Variants in CCM2 observed in about 807,000 individuals in gnomAD.
CCM2 encodes the protein CCM2 scaffold protein, also known as cerebral cavernous malformations 2 protein.
In CCM2, 25 loss-of-function variants were observed where a neutral mutation model predicts 44.9. The observed-to-expected ratio is 0.56, with a 90% CI of 0.41 to 0.78. The LOEUF is 0.78. Among genes scored for constraint, CCM2 ranks in the 30% least tolerant of loss-of-function variants. The pLI is 0.00. For synonymous variants in CCM2, 219 were observed against 241.1 expected, an observed-to-expected ratio of 0.91 and a Z score of 0.85; for missense variants, 481 against 580.6, an observed-to-expected ratio of 0.83 and a Z score of 1.76.
chr7:45,010,597 A>G (rs1239999529), intron 1 of CCM2, among the ~76,000 whole-genome samples: 1 of 151,918 alleles, frequency 6.6e-6, no homozygotes, highest in Non-Finnish European at 1.5e-5. Context: ...GTTTGTGTAT[A>G]TATATATATA....
chr7:45,064,089 A>G lies in CCM2; in HGVS notation c.288+88A>G, dbSNP rs964226039. 9 of 901,848 alleles carry G rather than the reference A, an allele frequency of 1.0e-5. No homozygotes were observed. The African/African-American group carries it at 1.3e-4, about 13-fold the overall frequency. The allele number at this position is 901,848 out of a possible 1,614,324, so 55.9% of individuals were successfully genotyped here. On this transcript the variant is annotated intron_variant, in intron 3 of 9. Coordinates refer to ENST00000258781, the MANE Select transcript of CCM2 (RefSeq NM_031443.4). ...ACTCTTGGCCTCGTGGCTGTGAGGA[A>G]TGAGCCAGTCCCATCACATTATGGG...
chr7:45,018,186 C>T (rs193259666), intron 1 of CCM2, among the ~76,000 whole-genome samples: 21 of 152,192 alleles, frequency 1.4e-4, no homozygotes, highest in Middle Eastern at 6.8e-3. Flanking sequence ...TCACAGGAGG[C>T]GGGGCTCAGG....
intron 6 of CCM2, chr7:45,072,525 T>C (rs1037741354): frequency 1.2e-5 from 8 of 658,348 alleles, no homozygotes; most frequent in Non-Finnish European, 2.2e-5. Context: ...CCAGGAGGGG[T>C]GTATGTGGGC....
At chr7:45,063,077 CTT>C (rs72447972) in intron 2 of CCM2, 5 of 146,566 alleles carry the variant, frequency 3.4e-5, no homozygotes, top group Non-Finnish European at 4.5e-5. Flanking sequence ...TCTTTTCTTT[CTT>C]TTTTTTTTTT....
intron 1 of CCM2, among the ~76,000 whole-genome samples, chr7:45,008,242 G>T (rs1405411736): frequency 6.6e-6 from 1 of 151,770 alleles, no homozygotes; most frequent in African/African-American, 2.4e-5. Context: ...GTTTCCCCAT[G>T]TTGGCAAGAA....
intron 1 of CCM2, among the ~76,000 whole-genome samples, chr7:45,005,447 T>G (rs1017444866): frequency 5.3e-5 from 8 of 152,246 alleles, no homozygotes; most frequent in Admixed American, 3.9e-4. Context: ...AGTGAAGGGC[T>G]TCCCTGCAGA....
intron 1 of CCM2, chr7:45,027,583 C>T: frequency 6.3e-7 from 1 of 1,586,018 alleles, no homozygotes; most frequent in Non-Finnish European, 8.6e-7. Context: ...AAATTGTAAA[C>T]AGCTTCAGTG....
intron 6 of CCM2, chr7:45,071,158 G>A (rs1257736177): frequency 6.6e-6 from 1 of 152,308 alleles, no homozygotes; most frequent in Non-Finnish European, 1.5e-5. Context: ...TGGAGGCTTA[G>A]AAGTCAACAG....
chr7:45,000,447 T>G, intron 1 of CCM2, 84 bp downstream of exon 1: 25 of 44,814 alleles, frequency 5.6e-4, no homozygotes, highest in South Asian at 1.7e-3. Flanking sequence ...GGGTGTTCCT[T>G]GGGGCCCGGG....
intron 1 of CCM2, among the ~76,000 whole-genome samples, chr7:45,018,877 A>G (rs903151781): frequency 1.3e-5 from 2 of 151,164 alleles, no homozygotes; most frequent in African/African-American, 4.9e-5. Flanking sequence ...CTCCTGCATC[A>G]GCCTCCCAAG....
At chr7:45,063,407 T>C (rs1469810707) in intron 2 of CCM2, among the ~76,000 whole-genome samples, 1 of 152,220 alleles carries the variant, frequency 6.6e-6, no homozygotes, top group Non-Finnish European at 1.5e-5. Context: ...TTAACACTGT[T>C]GCATGTGGGG....
intron 1 of CCM2, among the ~76,000 whole-genome samples, chr7:45,004,502 A>G (rs1239085799): frequency 6.6e-6 from 1 of 152,168 alleles, no homozygotes; most frequent in Non-Finnish European, 1.5e-5. Flanking sequence ...TGCTGTAGTC[A>G]CTGCTGGACC....
At chr7:45,039,784 T>C (rs1357982599) in intron 2 of CCM2, among the ~76,000 whole-genome samples, 1 of 152,028 alleles carries the variant, frequency 6.6e-6, no homozygotes, top group Non-Finnish European at 1.5e-5. Context: ...CCCAGCACTT[T>C]AGGAGGCCAA....
At position 45,038,509 on chromosome 7, in the gene CCM2, TA is replaced by T. The variant is rs1168118662; in HGVS notation, c.204+85del. On this transcript the variant is annotated intron_variant, in intron 2 of 9. Coordinates refer to ENST00000258781, the MANE Select transcript of CCM2 (RefSeq NM_031443.4). ...TATCCACCAGACACTCTTGAGTTTA[TA>T]AGACACAGCCACACAAACACCTTAG... 3 of 1,416,664 alleles carry T rather than the reference TA, an allele frequency of 2.1e-6. No homozygotes were observed. The African/African-American group carries it at 4.2e-5, about 20-fold the overall frequency. The allele number at this position is 1,416,664 out of a possible 1,614,324, so 87.8% of individuals were successfully genotyped here.
chr7:45,028,911 A>C (rs1340773799), intron 1 of CCM2, among the ~76,000 whole-genome samples: 2 of 152,110 alleles, frequency 1.3e-5, no homozygotes, highest in Non-Finnish European at 2.9e-5. Context: ...TGGAGCTTGT[A>C]GGAGGGGATT....
intron 1 of CCM2, among the ~76,000 whole-genome samples, chr7:45,011,844 G>A (rs541843877): frequency 6.6e-4 from 101 of 152,258 alleles, no homozygotes; most frequent in African/African-American, 2.2e-3. Context: ...GTAAGCCATC[G>A]TGCCCTGCCC....
intron 4 of CCM2, among the ~76,000 whole-genome samples, chr7:45,065,956 G>A (rs1256133301): frequency 6.6e-6 from 1 of 152,170 alleles, no homozygotes; most frequent in African/African-American, 2.4e-5. Flanking sequence ...TGAGGAGACT[G>A]GTTTCTGACT....
intron 2 of CCM2, chr7:45,043,683 C>A: frequency 5.2e-6 from 2 of 384,280 alleles, no homozygotes; most frequent in South Asian, 1.9e-5. Flanking sequence ...AAATATTTAA[C>A]TTTATTTTTT....
Position 45,075,834 on chromosome 7 carries a change from C to T in CCM2, c.1112C>T (p.Thr371Ile), listed in dbSNP as rs1161125937. 3 of 1,613,630 alleles carry T rather than the reference C, an allele frequency of 1.9e-6. No homozygotes were observed. The highest frequency in any genetic ancestry group is 1.3e-5 in the African/African-American group (1 of 74,904). The change falls in exon 10 of 10, where the codon ACC (threonine) becomes ATC (isoleucine). Residue 371 changes from threonine (T) to isoleucine (I), a missense_variant. Thr to Ile is a moderately conservative substitution (Grantham distance 89). Transcript: ENST00000258781. ...DSQHFENFLETIGVKDGRGII... is the reference protein window; with the variant it reads ...DSQHFENFLEIIGVKDGRGII... ...CAGCACTTCGAGAACTTCCTGGAGA[C>T]CATTGGCGTGAAGGATGGCCGCGGC...
Sources: allele counts gnomAD v4.1 joint callset (sites outside exome capture counted in the v4.1 genomes callset), GRCh38; gene constraint gnomAD v4.1.1; transcripts MANE v1.5; gene names NCBI Gene and HGNC (gene_info 2026-07-23, HGNC 2026-07-21).